FAM124B: variants seen among roughly 807,000 people sequenced by gnomAD.
FAM124B encodes family with sequence similarity 124 member B.
FAM124B carries 18 observed loss-of-function variants against 19.7 expected under a neutral mutation model. The observed-to-expected ratio is 0.92, with a 90% confidence interval of 0.63 to 1.36. The LOEUF (loss-of-function observed/expected upper bound fraction) is 1.36, where lower values mean the gene tolerates loss of function less well. Among genes scored for constraint, FAM124B ranks in the 40% most tolerant of loss-of-function variants. The probability of loss-of-function intolerance (pLI) is 0.00; values close to 1 mark genes in which losing one functional copy is unlikely to be tolerated. For synonymous variants in FAM124B, 223 were observed against 225.2 expected, an observed-to-expected ratio of 0.99 and a Z score of 0.09; for missense variants, 540 against 553.3, an observed-to-expected ratio of 0.98 and a Z score of 0.24.
At chr2:224,381,891 T>A (rs1689724512) in intron 1 of FAM124B, among the ~76,000 whole-genome samples, 1 of 152,122 alleles carries the variant, frequency 6.6e-6, no homozygotes, top group Non-Finnish European at 1.5e-5. Context: ...TGATACATAT[T>A]TATCTTACAA....
Position 224,379,603 on chromosome 2 carries a change from T to C in FAM124B, c.1338A>G (p.Lys446=). Residue 446 remains lysine, a synonymous_variant, in exon 2 of 2, where the codon AAA becomes AAG. Transcript: ENST00000409685. Reference sequence around the variant, plus strand: ...TAAAGAATTCTTCTTCATCTTCTTCTTTTTCTTCACCCTGAACTTGCAGAT... The same window carrying C: ...TAAAGAATTCTTCTTCATCTTCTTCCTTTTCTTCACCCTGAACTTGCAGAT... ...LLHLQVQGEE[K]EEDEEEFFI The C allele has an allele frequency of 6.5e-7, 1 of 1,542,828 alleles. No homozygotes were observed. The highest frequency in any genetic ancestry group is 8.7e-7 in the Non-Finnish European group (1 of 1,143,134).
rs1690085010 is a variant in FAM124B, at chr2:224,402,037, T to G, written c.-269A>C. 1 of 436,118 alleles carries G rather than the reference T, an allele frequency of 2.3e-6. No individual in the cohort carries two copies. Among genetic ancestry groups the G allele is most frequent in the Non-Finnish European group, 4.1e-6 (1 of 241,690 alleles). 27.0% of individuals were successfully genotyped at this position (436,118 alleles called of 1,614,324 possible). A position where few individuals can be genotyped will look rare whatever the true frequency, so the allele number is the denominator to read the frequency against. Reference sequence around the variant, plus strand: ...GTCACGTCATCCAGCTTGTGCATAATGTAACTGCTTGTGTTTAGCCTTTTC... The same window carrying G: ...GTCACGTCATCCAGCTTGTGCATAAGGTAACTGCTTGTGTTTAGCCTTTTC... On this transcript the variant is annotated 5_prime_UTR_variant, in exon 1 of 2. Coordinates refer to ENST00000409685, the MANE Select transcript of FAM124B (RefSeq NM_001122779.2).
chr2:224,390,186 C>T (rs560654940), intron 1 of FAM124B, among the ~76,000 whole-genome samples: 3 of 147,404 alleles, frequency 2.0e-5, no homozygotes, highest in East Asian at 4.0e-4. Flanking sequence ...AGAGAATGAA[C>T]CCCTTAATTA....
In FAM124B at chr2:224,401,171, T is replaced by C. The variant is rs1219092603; in HGVS notation, c.598A>G (p.Lys200Glu). 3 of 1,614,164 alleles carry C rather than the reference T, an allele frequency of 1.9e-6. No individual in the cohort carries two copies. The highest frequency in any genetic ancestry group is 2.7e-5 in the African/African-American group (2 of 75,042). The change falls in exon 1 of 2, where the codon AAA (lysine) becomes GAA (glutamate). Residue 200 changes from lysine to glutamate, a missense_variant. By Grantham distance (56) the Lys-to-Glu change is moderately conservative (BLOSUM62 1). Transcript: ENST00000409685. The part of the protein sequence containing the change: ...QLPPGMSVDP[K>E]ESSVLQFKVQ... ...TTAAACTGCAGCACCGAAGACTCTT[T>C]GGGGTCCACTGACATTCCCGGGGGC...
At chr2:224,392,672 T>C (rs1689906547) in intron 1 of FAM124B, among the ~76,000 whole-genome samples, 1 of 151,892 alleles carries the variant, frequency 6.6e-6, no homozygotes, top group Non-Finnish European at 1.5e-5. Context: ...GGAGGATAGC[T>C]TGAGCCTGGG....
At position 224,379,640 on chromosome 2, in the gene FAM124B, T is replaced by G; in HGVS notation, c.1301A>C (p.Glu434Ala). Residue 434 changes from glutamate to alanine, a missense_variant, in exon 2 of 2, where the codon GAA becomes GCA. Coordinates refer to ENST00000409685, the MANE Select transcript of FAM124B (RefSeq NM_001122779.2). ...RDLGTRKTIS[E>A]CLLHLQVQGE... ...CTGAACTTGCAGATGAAGGAGACAT[T>G]CTGAAATTGTCTTCCTGGTACCAAG... The G allele has an allele frequency of 6.4e-7, 1 of 1,551,528 alleles. No homozygotes were observed. Among genetic ancestry groups the G allele is most frequent in the Non-Finnish European group, 8.7e-7 (1 of 1,146,880 alleles).
At position 224,380,167 on chromosome 2, in the gene FAM124B, C is replaced by T. The variant is rs761839956; in HGVS notation, c.774G>A (p.Leu258=). ...AGCCCAGGGGAAGCATGCCAGCTCC[C>T]AAGATGCCATTCTTAACACCAAGTT... ...NPELGVKNGI[L]GAGMLPLGSR... is the part of the protein sequence containing the mutation. The change falls in exon 2 of 2, where the codon TTG becomes TTA. Residue 258 remains leucine (L), a synonymous_variant. Transcript: ENST00000409685. 6.4e-7 allele frequency: 1 copy of T among 1,550,850 alleles called. No homozygotes were observed. Among genetic ancestry groups the T allele is most frequent in the South Asian group, 1.2e-5 (1 of 84,022 alleles).
chr2:224,384,002 G>C (rs971686582), intron 1 of FAM124B, among the ~76,000 whole-genome samples: 1 of 152,206 alleles, frequency 6.6e-6, no homozygotes, highest in Non-Finnish European at 1.5e-5. Context: ...TGAACACAGA[G>C]AGAAGCCTGA....
chr2:224,395,065 A>G (rs982634111), intron 1 of FAM124B, among the ~76,000 whole-genome samples: 2 of 152,190 alleles, frequency 1.3e-5, no homozygotes, highest in African/African-American at 4.8e-5. Context: ...TTTAATTTAT[A>G]AAGTTTGCCT....
At position 224,401,239 on chromosome 2, in the gene FAM124B, T is replaced by C. The variant is rs369547761; in HGVS notation, c.530A>G (p.Tyr177Cys). 8 of 1,613,916 alleles carry C rather than the reference T, an allele frequency of 5.0e-6. No homozygotes were observed. The highest frequency in any genetic ancestry group is 6.8e-6 in the Non-Finnish European group (8 of 1,180,042). Residue 177 changes from tyrosine (Y) to cysteine (C), a missense_variant, in exon 1 of 2, where the codon TAT becomes TGT. Transcript: ENST00000409685. ...QKSNFCFFVL[Y>C]ASKSFALQLS... ...CTGCAGAGCAAAGCTCTTGGAGGCA[T>C]AGAGCACGAAGAAACAAAAATTGCT...
chr2:224,394,368 A>G (rs959413577), intron 1 of FAM124B, among the ~76,000 whole-genome samples: 1 of 152,038 alleles, frequency 6.6e-6, no homozygotes, highest in African/African-American at 2.4e-5. Context: ...TTCAAGCCCA[A>G]TGTGTCCAGA....
rs746662202 is a variant in FAM124B at position 224,401,361 on chromosome 2, C to A, written c.408G>T (p.Glu136Asp). Residue 136 changes from glutamate (E) to aspartate (D), a missense_variant, in exon 1 of 2, where the codon GAG becomes GAT. Coordinates refer to ENST00000409685, the MANE Select transcript of FAM124B (RefSeq NM_001122779.2). ...TGCAGTACAGCGTCACCCTCAGGAT[C>A]TCGGAGCCACAGTGCACCTGCCTCA... ...WGVRQVHCGSEILRVTLYCSF... is the reference protein window; with the variant it reads ...WGVRQVHCGSDILRVTLYCSF... 13 of 1,613,988 alleles carry A rather than the reference C, an allele frequency of 8.1e-6. No homozygotes were observed. The South Asian group carries it at 1.4e-4, about 18-fold the overall frequency.
Position 224,401,842 on chromosome 2 carries a change from G to A in FAM124B, c.-74C>T. ...TGTTCAAGTTTCTGAAATGAATGAA[G>A]AAGCGGCCCAGCCTTCAGCCCGCCT... On this transcript the variant is annotated 5_prime_UTR_variant, in exon 1 of 2. Coordinates refer to ENST00000409685, the MANE Select transcript of FAM124B (RefSeq NM_001122779.2). The A allele has an allele frequency of 6.6e-7, 1 of 1,520,082 alleles. No homozygotes were observed. The highest frequency in any genetic ancestry group is 8.8e-7 in the Non-Finnish European group (1 of 1,131,206). 94.2% of individuals were successfully genotyped at this position (1,520,082 alleles called of 1,614,324 possible).
chr2:224,383,152 T>A (rs903051159), intron 1 of FAM124B, among the ~76,000 whole-genome samples: 1 of 152,178 alleles, frequency 6.6e-6, no homozygotes, highest in Non-Finnish European at 1.5e-5. Context: ...AAAACAATGA[T>A]GCCTGCTCCC....
rs113285082 is a variant in FAM124B at position 224,389,806 on chromosome 2, G to A, written c.733-9598C>T. The stretch of plus-strand genomic sequence containing the variant: ...CAAAAGTGATAACCAACCCCACAAG[G>A]TGATTTTTATTTCGTAACCTCAGTG... On this transcript the variant is annotated intron_variant, in intron 1 of 1. Transcript: ENST00000409685. Among the ~76,000 whole-genome samples, 26 of 152,238 alleles carry A rather than the reference G, an allele frequency of 1.7e-4. 4 individuals are homozygous for A. The highest frequency in any genetic ancestry group is 6.3e-4 in the African/African-American group (26 of 41,542).
At chr2:224,386,278 G>C (rs1009382522) in intron 1 of FAM124B, among the ~76,000 whole-genome samples, 11 of 151,990 alleles carry the variant, frequency 7.2e-5, no homozygotes, top group Non-Finnish European at 1.6e-4. Flanking sequence ...TATTTCTTCT[G>C]TGTGGGATGT....
At chr2:224,400,738 T>C (rs1690054156) in intron 1 of FAM124B, among the ~76,000 whole-genome samples, 1 of 152,196 alleles carries the variant, frequency 6.6e-6, no homozygotes, top group East Asian at 1.9e-4. Flanking sequence ...TATAAAGTAC[T>C]TGTGTCAGCT....
At chr2:224,383,861 T>C (rs887094685) in intron 1 of FAM124B, among the ~76,000 whole-genome samples, 1 of 152,178 alleles carries the variant, frequency 6.6e-6, no homozygotes, top group African/African-American at 2.4e-5. Flanking sequence ...ATCTTTTTCT[T>C]CTAGAAATGG....
intron 1 of FAM124B, among the ~76,000 whole-genome samples, chr2:224,383,993 G>A (rs1689763504): frequency 6.6e-6 from 1 of 152,204 alleles, no homozygotes; most frequent in African/African-American, 2.4e-5. Context: ...TAGCAACTGT[G>A]AACACAGAGA....
Sources: gnomAD v4.1 joint callset for allele counts (sites outside exome capture counted in the v4.1 genomes callset) on GRCh38, gnomAD v4.1.1 for gene constraint, MANE v1.5 for transcripts, NCBI Gene and HGNC (gene_info 2026-07-23, HGNC 2026-07-21) for gene names.